CAMSAP1: variants seen among roughly 807,000 people sequenced by gnomAD.
CAMSAP1 encodes the protein calmodulin-regulated spectrin-associated protein 1.
In CAMSAP1, 58 loss-of-function variants were observed where a neutral mutation model predicts 143.5. The observed-to-expected ratio is 0.40, with a 90% confidence interval of 0.33 to 0.50. CAMSAP1 has a LOEUF of 0.50. Ranked by LOEUF, CAMSAP1 falls within the 20% of genes least tolerant of loss-of-function variation. The pLI, the probability that CAMSAP1 is intolerant of heterozygous loss-of-function variation, is 0.45. For missense variants in CAMSAP1, 1,969 were observed against 2,115.7 expected, an observed-to-expected ratio of 0.93 and a Z score of 1.36; for synonymous variants, 945 against 859.3, an observed-to-expected ratio of 1.10 and a Z score of -1.74.
intron 1 of CAMSAP1, 50 bp from the exon 2 acceptor site, chr9:135,883,128 G>A: frequency 1.3e-6 from 2 of 1,541,558 alleles, no homozygotes; most frequent in South Asian, 2.4e-5. Flanking sequence ...AAGACCCAAA[G>A]GAAGGAGTTC....
chr9:135,860,250 A>T (rs1837134373), intron 5 of CAMSAP1, among the ~76,000 whole-genome samples: 2 of 150,896 alleles, frequency 1.3e-5, no homozygotes, highest in South Asian at 2.1e-4. Context: ...TAAATAAATA[A>T]AATAAAAAGC....
In CAMSAP1 at chr9:135,907,088, G is replaced by C. The variant is rs766700931; in HGVS notation, c.72C>G (p.Ala24=). ...RKMEAPPDGA[A]DLVPLDRYDA... ...CGTAGCGGTCCAGGGGCACGAGGTC[G>C]GCGGCGCCGTCCGGCGGGGCCTCCA... Residue 24 remains alanine (A), a synonymous_variant, in exon 1 of 17, where the codon GCC becomes GCG. Transcript: ENST00000389532. 1.2e-5 allele frequency: 14 copies of C among 1,153,596 alleles called. No homozygotes were observed. In the South Asian group the frequency reaches 2.2e-4, roughly 18 times the overall value. The allele number at this position is 1,153,596 out of a possible 1,614,324, so 71.5% of individuals were successfully genotyped here. A position where few individuals can be genotyped will look rare whatever the true frequency, so the allele number is the denominator to read the frequency against.
intron 5 of CAMSAP1, among the ~76,000 whole-genome samples, chr9:135,856,027 A>G (rs978332868): frequency 7.9e-5 from 12 of 152,168 alleles, no homozygotes; most frequent in South Asian, 4.1e-4. Flanking sequence ...ACTCCAGCAT[A>G]GGCAAGAGAG....
chr9:135,893,432 GAAAAC>G (rs1044065486), intron 1 of CAMSAP1, among the ~76,000 whole-genome samples: 2 of 151,908 alleles, frequency 1.3e-5, no homozygotes, highest in Admixed American at 6.5e-5. Context: ...AGAAGAAAAG[GAAAAC>G]AAAACAAAAG....
intron 1 of CAMSAP1, among the ~76,000 whole-genome samples, chr9:135,884,727 C>T (rs1335556464): frequency 6.6e-6 from 1 of 152,134 alleles, no homozygotes; most frequent in African/African-American, 2.4e-5. Context: ...GGCCCCAATG[C>T]CAAGCACAAC....
intron 7 of CAMSAP1, chr9:135,836,550 C>T (rs1836049623): frequency 1.0e-6 from 1 of 981,068 alleles, no homozygotes. Flanking sequence ...GTACCTTCTA[C>T]CCCGTTCTAC....
intron 7 of CAMSAP1, among the ~76,000 whole-genome samples, chr9:135,838,288 CAG>C (rs1198268807): frequency 6.8e-6 from 1 of 146,314 alleles, no homozygotes; most frequent in Non-Finnish European, 1.5e-5. Context: ...ACCCACTGTA[CAG>C]ACACACATCA....
At position 135,816,021 on chromosome 9, in the gene CAMSAP1, G is replaced by T. The variant is rs774549300; in HGVS notation, c.4272-16C>A. On this transcript the variant is annotated splice_polypyrimidine_tract_variant and intron_variant, in intron 14 of 16. Coordinates refer to ENST00000389532, the MANE Select transcript of CAMSAP1 (RefSeq NM_015447.4). The stretch of plus-strand genomic sequence containing the variant: ...CGATTCCACTCTGCAGGCAGAAACA[G>T]ACAAGAGACAGGCAGGTGAAGCGCT... 1 of 1,610,620 alleles carries T rather than the reference G, an allele frequency of 6.2e-7. No homozygotes were observed. Among genetic ancestry groups the T allele is most frequent in the Non-Finnish European group, 8.5e-7 (1 of 1,177,934 alleles).
At position 135,842,753 on chromosome 9, in the gene CAMSAP1, C is replaced by T. The variant is rs897868216; in HGVS notation, c.1045+7384G>A. Among the ~76,000 whole-genome samples, 35 of 152,108 alleles carry T rather than the reference C, an allele frequency of 2.3e-4. 1 individual carries two copies. The highest frequency in any genetic ancestry group is 1.9e-3 in the Admixed American group (29 of 15,266). On this transcript the variant is annotated intron_variant, in intron 7 of 16. Transcript: ENST00000389532. ...ATCCAGCCAAACTAAGCTTCATAAG[C>T]GAAGGAGAAACAAAATCCTTTACAG... is the stretch of plus-strand genomic sequence containing the variant.
intron 1 of CAMSAP1, among the ~76,000 whole-genome samples, chr9:135,888,584 A>G (rs987488118): frequency 6.6e-5 from 10 of 152,192 alleles, no homozygotes; most frequent in Non-Finnish European, 1.2e-4. Flanking sequence ...CTGGGAGCTG[A>G]GACCAGCTCT....
chr9:135,842,389 T>G (rs1376680314), intron 7 of CAMSAP1, among the ~76,000 whole-genome samples: 1 of 152,120 alleles, frequency 6.6e-6, no homozygotes, highest in Non-Finnish European at 1.5e-5. Context: ...GTACCTAAAG[T>G]GACGGGGAGA....
chr9:135,871,796 C>A (rs998587108), intron 3 of CAMSAP1, among the ~76,000 whole-genome samples: 1 of 151,810 alleles, frequency 6.6e-6, no homozygotes, highest in African/African-American at 2.4e-5. Flanking sequence ...TATCTGAGGT[C>A]CACAGCAATT....
intron 1 of CAMSAP1, among the ~76,000 whole-genome samples, chr9:135,903,943 C>G (rs1474727167): frequency 6.6e-6 from 1 of 152,216 alleles, no homozygotes; most frequent in Admixed American, 6.5e-5. Flanking sequence ...TGGGTAGCAG[C>G]GAATCTCACA....
intron 7 of CAMSAP1, among the ~76,000 whole-genome samples, chr9:135,846,902 G>A (rs1294007530): frequency 3.3e-5 from 5 of 152,128 alleles, no homozygotes; most frequent in Admixed American, 3.3e-4. Context: ...AGAGGATATG[G>A]AGAAATGGAA....
In CAMSAP1 at chr9:135,882,402, G is replaced by C. The variant is rs555001829; in HGVS notation, c.423+414C>G. On this transcript the variant is annotated intron_variant, in intron 2 of 16. Transcript: ENST00000389532. This position sits in a 1 kb window ranked among gnomAD's most constrained non-coding sequence, Gnocchi z 4.9. Reference sequence around the variant, plus strand: ...CTGGAAAAGGCACACCAGTAGCAAGGCTTCAGAGAAAGATGGGGGTGGGAT... The same window carrying C: ...CTGGAAAAGGCACACCAGTAGCAAGCCTTCAGAGAAAGATGGGGGTGGGAT... Among the ~76,000 whole-genome samples the C allele has an allele frequency of 1.3e-5, 2 of 152,208 alleles. No individual in the cohort carries two copies. Among genetic ancestry groups the C allele is most frequent in the African/African-American group, 4.8e-5 (2 of 41,538 alleles).
chr9:135,853,115 C>A (rs1836836318), intron 5 of CAMSAP1, among the ~76,000 whole-genome samples: 1 of 152,188 alleles, frequency 6.6e-6, no homozygotes, highest in African/African-American at 2.4e-5. Flanking sequence ...AGGGGTGAAG[C>A]TGGAGTCACC....
At chr9:135,864,407 G>A (rs141634620) in intron 4 of CAMSAP1, among the ~76,000 whole-genome samples, 170 of 152,236 alleles carry the variant, frequency 1.1e-3, no homozygotes, top group African/African-American at 3.9e-3. Context: ...AGAATCTACC[G>A]CTGCTCAAAG....
chr9:135,819,262 CT>C lies in CAMSAP1; in HGVS notation c.3823-117del, dbSNP rs1835353577. 5 of 1,312,638 alleles carry C rather than the reference CT, an allele frequency of 3.8e-6. No homozygotes were observed. In the South Asian group the frequency reaches 7.6e-5, roughly 20 times the overall value. The allele number at this position is 1,312,638 out of a possible 1,614,324, so 81.3% of individuals were successfully genotyped here. ...CTTTTAAAAGTTTAACGCATAAAGA[CT>C]TCTATGCTTTTCTCTAACCGTTACA... On this transcript the variant is annotated intron_variant, in intron 11 of 16. Coordinates refer to ENST00000389532, the MANE Select transcript of CAMSAP1 (RefSeq NM_015447.4).
At chr9:135,817,116 C>G (rs1835258117) in intron 14 of CAMSAP1, among the ~76,000 whole-genome samples, 1 of 152,170 alleles carries the variant, frequency 6.6e-6, no homozygotes, top group Non-Finnish European at 1.5e-5. Context: ...CACAGAAAGG[C>G]TAAGGAACTG....
Sources: gnomAD v4.1 joint callset for allele counts (sites outside exome capture counted in the v4.1 genomes callset) on GRCh38, gnomAD v4.1.1 for gene constraint, Gnocchi (gnomAD v3.1) non-coding constraint, MANE v1.5 for transcripts, NCBI Gene and HGNC (gene_info 2026-07-23, HGNC 2026-07-21) for gene names.